Variants in WDPCP observed in about 807,000 individuals in gnomAD.
WDPCP encodes the protein WD repeat containing planar cell polarity effector.
WDPCP carries 71 observed loss-of-function variants against 93.1 expected under a neutral mutation model. That is an observed-to-expected ratio of 0.76 (90% CI 0.63 to 0.93). The LOEUF is 0.93. WDPCP is among the 40% of genes least tolerant of loss of function. WDPCP has a pLI of 0.00. For synonymous variants in WDPCP, 315 were observed against 315.0 expected (o/e 1.00, Z 0.00); for missense variants, 844 against 887.4 (o/e 0.95, Z 0.62).
At chr2:63,561,166 T>C (rs1230823569) in intron 1 of WDPCP, among the ~76,000 whole-genome samples, 2 of 152,100 alleles carry the variant, frequency 1.3e-5, no homozygotes, top group Non-Finnish European at 2.9e-5. Context: ...TGGACAAAGA[T>C]TTCACAATGA....
At chr2:63,185,773 A>C in intron 14 of WDPCP, among the ~76,000 whole-genome samples, 1 of 152,138 alleles carries the variant, frequency 6.6e-6, no homozygotes. Flanking sequence ...TTTGTTTACC[A>C]AGAGAAACTC....
chr2:63,298,730 A>T (rs1218988352), intron 13 of WDPCP, among the ~76,000 whole-genome samples: 1 of 152,134 alleles, frequency 6.6e-6, no homozygotes, highest in African/African-American at 2.4e-5. Flanking sequence ...GGCAGCCATT[A>T]CATAGAGGCA....
At chr2:63,812,401 G>T (rs1575780146) in intron 2 of WDPCP, among the ~76,000 whole-genome samples, 1 of 152,312 alleles carries the variant, frequency 6.6e-6, no homozygotes, top group East Asian at 1.9e-4. Flanking sequence ...TTGGTAGAAT[G>T]ATTTGTTTTC....
At chr2:63,378,821 G>C (rs1692065027) in intron 11 of WDPCP, among the ~76,000 whole-genome samples, 1 of 152,088 alleles carries the variant, frequency 6.6e-6, no homozygotes, top group Non-Finnish European at 1.5e-5. Flanking sequence ...GTTTGAACTA[G>C]TACTTCCAGT....
At chr2:63,726,241 G>A (rs190038474) in intron 2 of WDPCP, among the ~76,000 whole-genome samples, 1 of 152,152 alleles carries the variant, frequency 6.6e-6, no homozygotes, top group African/African-American at 2.4e-5. Context: ...GAAAGGAAGT[G>A]GTCCAGTTTC....
intron 1 of WDPCP, among the ~76,000 whole-genome samples, chr2:63,495,064 C>G (rs1291469819): frequency 6.6e-6 from 1 of 151,930 alleles, no homozygotes; most frequent in African/African-American, 2.4e-5. Context: ...AATTTACTTT[C>G]TTCCGTGCAT....
At chr2:63,246,159 C>T (rs1345044079) in intron 14 of WDPCP, among the ~76,000 whole-genome samples, 2 of 152,226 alleles carry the variant, frequency 1.3e-5, no homozygotes, top group Non-Finnish European at 2.9e-5. Flanking sequence ...ATACAGCAGG[C>T]CCACATAATT....
At chr2:63,570,546 G>C (rs1707406704) in intron 1 of WDPCP, among the ~76,000 whole-genome samples, 1 of 152,156 alleles carries the variant, frequency 6.6e-6, no homozygotes, top group Admixed American at 6.5e-5. Context: ...TGATGAACTT[G>C]GGATAGGTAT....
chr2:63,589,391 G>C, upstream of WDPCP: 1 of 1,550,362 alleles, frequency 6.5e-7, no homozygotes, highest in Non-Finnish European at 8.7e-7. Flanking sequence ...TAAGGTTTGC[G>C]ATGGGAGGGA....
At chr2:63,536,789 T>TTTTTTTG (rs1704314229) in intron 1 of WDPCP, among the ~76,000 whole-genome samples, 1 of 147,464 alleles carries the variant, frequency 6.8e-6, no homozygotes, top group African/African-American at 2.5e-5. Context: ...TTTTTTTTTT[T>TTTTTTTG]GATGGAATCT....
intron 14 of WDPCP, among the ~76,000 whole-genome samples, chr2:63,180,308 A>G (rs1361573462): frequency 6.6e-6 from 1 of 152,160 alleles, no homozygotes; most frequent in African/African-American, 2.4e-5. Flanking sequence ...AATAATATAC[A>G]TAGTACCCAT....
At chr2:63,322,176 T>C (rs1220536550) in intron 12 of WDPCP, among the ~76,000 whole-genome samples, 1 of 152,164 alleles carries the variant, frequency 6.6e-6, no homozygotes, top group African/African-American at 2.4e-5. Flanking sequence ...CAATCAGCAC[T>C]TTGTGTCTAG....
intron 2 of WDPCP, among the ~76,000 whole-genome samples, chr2:63,715,774 A>G (rs1391688207): frequency 6.6e-6 from 1 of 152,212 alleles, no homozygotes; most frequent in Non-Finnish European, 1.5e-5. Context: ...AGAATTCTCT[A>G]CTTCTCAGCA....
At chr2:63,218,529 T>TTTA (rs1435910677) in intron 14 of WDPCP, among the ~76,000 whole-genome samples, 15 of 151,618 alleles carry the variant, frequency 9.9e-5, no homozygotes, top group African/African-American at 2.7e-4. Flanking sequence ...ATTTATTTAT[T>TTTA]TTATTATTAT....
At chr2:63,261,960 T>C (rs1023931611) in intron 13 of WDPCP, among the ~76,000 whole-genome samples, 4 of 152,176 alleles carry the variant, frequency 2.6e-5, no homozygotes, top group Non-Finnish European at 5.9e-5. Context: ...AAATGTACAA[T>C]CAAAATAATC....
chr2:63,749,161 A>G (rs1186308626), intron 2 of WDPCP, among the ~76,000 whole-genome samples: 1 of 152,074 alleles, frequency 6.6e-6, no homozygotes, highest in Non-Finnish European at 1.5e-5. Flanking sequence ...GAACTTTGAT[A>G]TTTCAGCTCT....
Position 63,178,399 on chromosome 2 carries a change from T to A in WDPCP, c.1916-3567A>T, listed in dbSNP as rs552160838. Among the ~76,000 whole-genome samples, 13 of 152,334 alleles carry A rather than the reference T, an allele frequency of 8.5e-5. No individual in the cohort carries two copies. In the South Asian group the frequency reaches 1.0e-3, roughly 12 times the overall value. On this transcript the variant is annotated intron_variant, in intron 14 of 17. Coordinates refer to ENST00000272321, the MANE Select transcript of WDPCP (RefSeq NM_015910.7). ...AATCTCTTTAATAGTTGTAAGTCTGTCCAGATTATGTAATTCTTCATTATC... is the reference window on the plus strand; with the variant it reads ...AATCTCTTTAATAGTTGTAAGTCTGACCAGATTATGTAATTCTTCATTATC...
intron 2 of WDPCP, among the ~76,000 whole-genome samples, chr2:63,760,621 T>A (rs576640750): frequency 2.6e-5 from 4 of 152,264 alleles, no homozygotes; most frequent in Admixed American, 2.6e-4. Flanking sequence ...GGGACCCTGA[T>A]TATTAGAGAA....
At chr2:63,411,922 G>A (rs1255291116) in intron 9 of WDPCP, among the ~76,000 whole-genome samples, 1 of 152,186 alleles carries the variant, frequency 6.6e-6, no homozygotes, top group East Asian at 1.9e-4. Flanking sequence ...AGGATCAGAC[G>A]GATTCACAGC....
Sources: allele counts gnomAD v4.1 joint callset (sites outside exome capture counted in the v4.1 genomes callset), GRCh38; gene constraint gnomAD v4.1.1; transcripts MANE v1.5; gene names NCBI Gene and HGNC (gene_info 2026-07-23, HGNC 2026-07-21).